MAGI2: variants seen among roughly 807,000 people sequenced by gnomAD.
MAGI2 encodes the protein membrane-associated guanylate kinase, WW and PDZ domain-containing protein 2.
Under a neutral mutation model 133.3 loss-of-function variants are expected in MAGI2, and 35 were observed. The observed-to-expected ratio is 0.26, with a 90% CI of 0.20 to 0.35. The LOEUF is 0.35. Among genes scored for constraint, MAGI2 ranks in the 10% least tolerant of loss-of-function variants. The probability of loss-of-function intolerance (pLI) is 1.00; values close to 1 mark genes in which losing one functional copy is unlikely to be tolerated. For synonymous variants in MAGI2, 729 were observed against 710.6 expected, an observed-to-expected ratio of 1.03 and a Z score of -0.41; for missense variants, 1,636 against 1,863.4, an observed-to-expected ratio of 0.88 and a Z score of 2.25.
chr7:78,990,905 T>TACGC (rs1554323759), intron 2 of MAGI2, among the ~76,000 whole-genome samples: 7 of 141,394 alleles, frequency 5.0e-5, no homozygotes, highest in Non-Finnish European at 1.1e-4. Context: ...TATATGTACA[T>TACGC]ACACACACAC....
chr7:78,591,496 G>GA lies in MAGI2; in HGVS notation c.538+35623dup, dbSNP rs1803998332. Among the ~76,000 whole-genome samples the GA allele has an allele frequency of 2.0e-5, 3 of 152,238 alleles. No homozygotes were observed. The South Asian group carries it at 6.2e-4, about 32-fold the overall frequency. ...CAGAACTCCAGAGGCTTGGGACTCA[G>GA]AGACACTGTGTAAATGAGGTCAGGA... is the stretch of plus-strand genomic sequence containing the variant. On this transcript the variant is annotated intron_variant, in intron 3 of 21. Coordinates refer to ENST00000354212, the MANE Select transcript of MAGI2 (RefSeq NM_012301.4).
intron 21 of MAGI2, among the ~76,000 whole-genome samples, chr7:78,047,250 T>A (rs998442729): frequency 3.9e-5 from 6 of 151,900 alleles, no homozygotes; most frequent in African/African-American, 1.5e-4. Flanking sequence ...AAATGGGGAG[T>A]GGGTGTCAGT....
At chr7:78,544,221 C>A (rs1304395688) in intron 3 of MAGI2, among the ~76,000 whole-genome samples, 2 of 152,234 alleles carry the variant, frequency 1.3e-5, no homozygotes, top group African/African-American at 2.4e-5. Context: ...AGCTGTTCAG[C>A]AACTGCTACA....
intron 3 of MAGI2, among the ~76,000 whole-genome samples, chr7:78,548,821 A>G (rs1799091215): frequency 6.6e-6 from 1 of 152,210 alleles, no homozygotes; most frequent in Non-Finnish European, 1.5e-5. Flanking sequence ...ACAGTGGGAC[A>G]ATTATTTTTT....
rs1426393681 is a variant in MAGI2 at position 78,525,795 on chromosome 7, T to C, written c.539-4150A>G. On this transcript the variant is annotated intron_variant, in intron 3 of 21. Coordinates refer to ENST00000354212, the MANE Select transcript of MAGI2 (RefSeq NM_012301.4). ...AGATGACCACAGTCACAAAAGCAAC[T>C]ATAACTATTACTACTGTTATTACCA... Among the ~76,000 whole-genome samples, 3 of 152,206 alleles carry C rather than the reference T, an allele frequency of 2.0e-5. No homozygotes were observed. In the East Asian group the frequency reaches 5.8e-4, roughly 29 times the overall value.
intron 1 of MAGI2, among the ~76,000 whole-genome samples, chr7:79,408,431 G>A (rs947609157): frequency 6.6e-6 from 1 of 151,746 alleles, no homozygotes; most frequent in African/African-American, 2.4e-5. Flanking sequence ...GTCTTTGGAG[G>A]GTTACCCAGC....
intron 1 of MAGI2, among the ~76,000 whole-genome samples, chr7:79,080,075 A>G (rs1029034387): frequency 2.6e-5 from 4 of 152,126 alleles, no homozygotes; most frequent in Non-Finnish European, 5.9e-5. Flanking sequence ...CATTTCTCTC[A>G]TAATTACTTA....
At chr7:78,377,663 T>C (rs1055457568) in intron 6 of MAGI2, among the ~76,000 whole-genome samples, 1 of 150,590 alleles carries the variant, frequency 6.6e-6, no homozygotes, top group African/African-American at 2.4e-5. Context: ...TAATAAAAAA[T>C]AAAAAATAAA....
chr7:78,995,014 G>T (rs1460595608), intron 2 of MAGI2, among the ~76,000 whole-genome samples: 1 of 152,042 alleles, frequency 6.6e-6, no homozygotes. Context: ...GTCTAGTAGA[G>T]CTGACATCAA....
chr7:78,358,538 TG>T (rs1006232529), intron 7 of MAGI2: 4 of 155,084 alleles, frequency 2.6e-5, no homozygotes, highest in African/African-American at 7.2e-5. Flanking sequence ...CATCTTTTGG[TG>T]GCCTTGCAGA....
chr7:78,298,786 T>C (rs1016980341), intron 9 of MAGI2, among the ~76,000 whole-genome samples: 4 of 148,680 alleles, frequency 2.7e-5, no homozygotes, highest in Non-Finnish European at 5.9e-5. Context: ...ATTACAGGCA[T>C]GAGCCACCAC....
intron 1 of MAGI2, among the ~76,000 whole-genome samples, chr7:79,258,287 A>G (rs768011103): frequency 7.9e-5 from 12 of 152,248 alleles, no homozygotes; most frequent in Non-Finnish European, 8.8e-5. Context: ...CCAGAAAGTC[A>G]TTTCTAGTCC....
chr7:78,640,629 C>A (rs1584934912), intron 2 of MAGI2, among the ~76,000 whole-genome samples: 1 of 151,782 alleles, frequency 6.6e-6, no homozygotes, highest in South Asian at 2.1e-4. Context: ...GGGTGAATAC[C>A]AACCAGTAGC....
Position 78,837,022 on chromosome 7 carries a change from A to G in MAGI2, c.418+170068T>C, listed in dbSNP as rs566937910. On this transcript the variant is annotated intron_variant, in intron 2 of 21. Coordinates refer to ENST00000354212, the MANE Select transcript of MAGI2 (RefSeq NM_012301.4). ...TAATTTATCATAGACCTTCACATAA[A>G]CAAATTCATTTCGTTTTTCAAAATG... is the stretch of plus-strand genomic sequence containing the variant. Among the ~76,000 whole-genome samples the G allele has an allele frequency of 3.9e-5, 6 of 152,278 alleles. No individual in the cohort carries two copies. The South Asian group carries it at 1.2e-3, about 32-fold the overall frequency.
At chr7:78,962,122 A>G (rs1422088679) in intron 2 of MAGI2, among the ~76,000 whole-genome samples, 2 of 152,106 alleles carry the variant, frequency 1.3e-5, no homozygotes, top group Admixed American at 1.3e-4. Context: ...AAGACTGTAC[A>G]TTCACTAAAC....
intron 10 of MAGI2, among the ~76,000 whole-genome samples, chr7:78,213,889 G>A (rs567132002): frequency 1.3e-5 from 2 of 152,204 alleles, no homozygotes; most frequent in African/African-American, 2.4e-5. Context: ...CCCTTCCTCT[G>A]GTAACTCAGG....
chr7:78,141,308 G>A (rs191660181), intron 16 of MAGI2, among the ~76,000 whole-genome samples: 24 of 152,206 alleles, frequency 1.6e-4, no homozygotes, highest in African/African-American at 5.5e-4. Context: ...CTCCTGATCT[G>A]TTTTTCTGCC....
intron 2 of MAGI2, among the ~76,000 whole-genome samples, chr7:78,756,887 T>A (rs1271126980): frequency 6.6e-6 from 1 of 152,128 alleles, no homozygotes; most frequent in African/African-American, 2.4e-5. Flanking sequence ...AGCTCTGTCG[T>A]CTTATCTTAC....
chr7:78,651,444 CCT>C (rs1019294817), intron 2 of MAGI2, among the ~76,000 whole-genome samples: 5 of 151,996 alleles, frequency 3.3e-5, no homozygotes, highest in African/African-American at 1.2e-4. Context: ...TGAAGCACCC[CCT>C]GTGCTTTGTT....
Sources: gnomAD v4.1 joint callset for allele counts (sites outside exome capture counted in the v4.1 genomes callset) on GRCh38, gnomAD v4.1.1 for gene constraint, MANE v1.5 for transcripts, NCBI Gene and HGNC (gene_info 2026-07-23, HGNC 2026-07-21) for gene names.